Variants in PDE8A observed in about 807,000 individuals in gnomAD.
PDE8A encodes high affinity cAMP-specific and IBMX-insensitive 3',5'-cyclic phosphodiesterase 8A.
In PDE8A, 59 loss-of-function variants were observed where a neutral mutation model predicts 105.0. That is an observed-to-expected ratio of 0.56 (90% CI 0.46 to 0.70). PDE8A has a LOEUF of 0.70. PDE8A is among the 30% of genes least tolerant of loss of function. PDE8A has a pLI of 0.00. For synonymous variants in PDE8A, 355 were observed against 371.9 expected (o/e 0.95, Z 0.52); for missense variants, 1,014 against 1,045.9 (o/e 0.97, Z 0.42).
At chr15:85,036,936 G>C (rs899056075) in intron 1 of PDE8A, among the ~76,000 whole-genome samples, 4 of 152,144 alleles carry the variant, frequency 2.6e-5, no homozygotes, top group Admixed American at 2.6e-4. Flanking sequence ...GGGAGGAAGT[G>C]AGGGAGATAG....
chr15:85,087,510 T>G (rs760249885), intron 6 of PDE8A, among the ~76,000 whole-genome samples: 36 of 152,346 alleles, frequency 2.4e-4, no homozygotes, highest in Non-Finnish European at 4.7e-4. Context: ...AGCATTGTTA[T>G]TTTTAGAGTT....
chr15:84,982,410 T>C, intron 1 of PDE8A, 62 bp downstream of exon 1: 1 of 1,129,590 alleles, frequency 8.9e-7, no homozygotes, highest in South Asian at 2.7e-5. Flanking sequence ...TAAGCAACTT[T>C]CCCGCAGGGG....
chr15:85,126,060 G>A (rs1793525837), intron 19 of PDE8A, 147 bp from the exon 20 acceptor site: 1 of 489,188 alleles, frequency 2.0e-6, no homozygotes, highest in Non-Finnish European at 3.5e-6. Context: ...CAAGCTCAAT[G>A]CTCACAGTAT....
At chr15:85,088,683 C>T (rs1301905976) in intron 6 of PDE8A, among the ~76,000 whole-genome samples, 7 of 152,264 alleles carry the variant, frequency 4.6e-5, no homozygotes, top group East Asian at 1.9e-4. Context: ...TACATGTTAT[C>T]GACTGTCTTT....
chr15:85,125,432 A>G (rs2082244114), intron 19 of PDE8A, among the ~76,000 whole-genome samples: 1 of 152,096 alleles, frequency 6.6e-6, no homozygotes, highest in African/African-American at 2.4e-5. Flanking sequence ...TTACATCATA[A>G]ATTGATCCAT....
intron 9 of PDE8A, among the ~76,000 whole-genome samples, chr15:85,099,137 C>G (rs1014709267): frequency 1.3e-5 from 2 of 152,202 alleles, no homozygotes; most frequent in African/African-American, 4.8e-5. Context: ...TTGAGCCCCT[C>G]CCTTCCTGGC....
chr15:85,067,125 T>A lies in PDE8A; in HGVS notation c.355T>A (p.Cys119Ser). ...CAAGGAGGCTCAGGCTGTCCTTGCC[T>A]GTTTCCTGGACAAACATCATGACAT... ...VTKEAQAVLA[C>S]FLDKHHDIII... The change falls in exon 3 of 22, where the codon TGT becomes AGT. Residue 119 changes from cysteine to serine, a missense_variant. By Grantham distance (112) the Cys-to-Ser change is moderately radical. Coordinates refer to ENST00000394553, the MANE Select transcript of PDE8A (RefSeq NM_002605.3). The A allele has an allele frequency of 2.5e-6, 4 of 1,613,956 alleles. No individual in the cohort carries two copies. Among genetic ancestry groups the A allele is most frequent in the Non-Finnish European group, 3.4e-6 (4 of 1,179,806 alleles).
At chr15:85,042,275 C>T (rs764177018) in intron 1 of PDE8A, among the ~76,000 whole-genome samples, 2 of 152,070 alleles carry the variant, frequency 1.3e-5, no homozygotes, top group Non-Finnish European at 2.9e-5. Flanking sequence ...CTCCTTGGCT[C>T]AATTGATCCT....
At chr15:85,132,571 T>C (rs1261701270) in intron 20 of PDE8A, among the ~76,000 whole-genome samples, 1 of 152,114 alleles carries the variant, frequency 6.6e-6, no homozygotes, top group Non-Finnish European at 1.5e-5. Flanking sequence ...GTTTAAGTGA[T>C]TCTCCTGCCT....
At chr15:85,049,542 A>C (rs968227603) in intron 1 of PDE8A, among the ~76,000 whole-genome samples, 1 of 152,224 alleles carries the variant, frequency 6.6e-6, no homozygotes, top group Non-Finnish European at 1.5e-5. Flanking sequence ...TTTATGGCTG[A>C]ATAATATTCC....
chr15:85,064,479 T>TGGA (rs1397160511), intron 2 of PDE8A, 53 bp downstream of exon 2: 1 of 1,167,850 alleles, frequency 8.6e-7, no homozygotes, highest in Non-Finnish European at 1.3e-6. Flanking sequence ...TTAAAAAGGG[T>TGGA]GGAGGTGGAG....
intron 1 of PDE8A, among the ~76,000 whole-genome samples, chr15:84,988,777 G>A (rs544283951): frequency 3.3e-5 from 5 of 152,324 alleles, no homozygotes; most frequent in African/African-American, 1.2e-4. Context: ...ATCCGTGTGA[G>A]CCTAGGATTT....
At chr15:85,050,262 A>G (rs762779647) in intron 1 of PDE8A, among the ~76,000 whole-genome samples, 1 of 152,100 alleles carries the variant, frequency 6.6e-6, no homozygotes, top group Non-Finnish European at 1.5e-5. Flanking sequence ...AGTTCTGTGG[A>G]TTGCATTTTT....
chr15:85,038,126 A>G (rs1406291859), intron 1 of PDE8A, among the ~76,000 whole-genome samples: 2 of 152,142 alleles, frequency 1.3e-5, no homozygotes, highest in Admixed American at 6.5e-5. Flanking sequence ...TTCTTTTGCT[A>G]GTTGAATTCA....
intron 18 of PDE8A, among the ~76,000 whole-genome samples, chr15:85,121,343 G>GGAGGCT (rs750500674): frequency 7.0e-6 from 1 of 142,048 alleles, no homozygotes; most frequent in African/African-American, 2.7e-5. Context: ...CTTGAGCCCA[G>GGAGGCT]GAGGCTGAGG....
chr15:85,132,018 G>A (rs751051112), intron 20 of PDE8A, among the ~76,000 whole-genome samples: 3 of 152,124 alleles, frequency 2.0e-5, no homozygotes, highest in Non-Finnish European at 2.9e-5. Flanking sequence ...GAGATCCTCT[G>A]TCTTTTGACT....
At chr15:85,131,118 TG>T (rs2082324653) in intron 20 of PDE8A, among the ~76,000 whole-genome samples, 2 of 152,226 alleles carry the variant, frequency 1.3e-5, no homozygotes, top group Admixed American at 6.5e-5. Flanking sequence ...AGCTCTCTCT[TG>T]GATATTATTT....
At chr15:85,109,307 T>C (rs572569914) in intron 12 of PDE8A, among the ~76,000 whole-genome samples, 177 bp downstream of exon 12, 7 of 152,258 alleles carry the variant, frequency 4.6e-5, no homozygotes, top group Non-Finnish European at 1.0e-4. Context: ...ATGGGCTCCA[T>C]TCTGAGCCTT....
intron 20 of PDE8A, among the ~76,000 whole-genome samples, chr15:85,129,325 A>G (rs192928767): frequency 8.5e-5 from 13 of 152,204 alleles, no homozygotes; most frequent in African/African-American, 1.9e-4. Context: ...AAGGATTGAT[A>G]TTAATTCTTC....
Sources: gnomAD v4.1 joint callset for allele counts (sites outside exome capture counted in the v4.1 genomes callset) on GRCh38, gnomAD v4.1.1 for gene constraint, MANE v1.5 for transcripts, NCBI Gene and HGNC (gene_info 2026-07-23, HGNC 2026-07-21) for gene names.